The following TUSC3 variants were observed in gnomAD, a reference collection of about 807,000 sequenced individuals.
The protein encoded by TUSC3 is tumor suppressor candidate 3, also known as dolichyl-diphosphooligosaccharide--protein glycosyltransferase subunit TUSC3.
A neutral mutation model predicts 44.8 loss-of-function variants in TUSC3; 45 were observed. The observed-to-expected ratio is 1.00, with a 90% CI of 0.79 to 1.29. The LOEUF (loss-of-function observed/expected upper bound fraction) is 1.29. Among genes scored for constraint, TUSC3 ranks in the 50% most tolerant of loss-of-function variants. The pLI, the probability that TUSC3 is intolerant of heterozygous loss-of-function variation, is 0.00. For missense variants in TUSC3, 519 were observed against 437.9 expected (o/e 1.19, Z -1.65); for synonymous variants, 212 against 152.9 (o/e 1.39, Z -2.85).
the TUSC3 span, among the ~76,000 whole-genome samples, chr8:15,827,147 G>C: frequency 2.0e-5 from 3 of 152,118 alleles, no homozygotes; most frequent in African/African-American, 7.2e-5. Context: ...GAGACTATAA[G>C]TACATCCCTC....
chr8:15,469,530 T>A (rs2129122813), intron 1 of TUSC3, among the ~76,000 whole-genome samples: 1 of 152,336 alleles, frequency 6.6e-6, no homozygotes, highest in East Asian at 1.9e-4. Flanking sequence ...CAACAGAAGT[T>A]CTTTCATTGC....
At chr8:15,495,683 C>G (rs1312290995) in intron 2 of TUSC3, among the ~76,000 whole-genome samples, 5 of 152,142 alleles carry the variant, frequency 3.3e-5, no homozygotes, top group Admixed American at 3.3e-4. Context: ...AGTATACCTG[C>G]CATGATCTTG....
the TUSC3 span, among the ~76,000 whole-genome samples, chr8:15,811,318 A>G: frequency 2.0e-5 from 3 of 152,286 alleles, no homozygotes; most frequent in East Asian, 5.8e-4. Flanking sequence ...AATTGTCCAC[A>G]TCAAGTGTCT....
chr8:15,511,655 A>C (rs1002185603), intron 2 of TUSC3, among the ~76,000 whole-genome samples: 2 of 152,160 alleles, frequency 1.3e-5, no homozygotes, highest in Non-Finnish European at 1.5e-5. Context: ...AGATCACTTG[A>C]GGTCAGGAGT....
intron 1 of TUSC3, among the ~76,000 whole-genome samples, chr8:15,588,120 GT>G (rs1803672819): frequency 6.6e-6 from 1 of 152,046 alleles, no homozygotes; most frequent in South Asian, 2.1e-4. Flanking sequence ...TCTGTTTTTA[GT>G]TTTTTGAGGG....
At chr8:15,830,308 C>T in the TUSC3 span, among the ~76,000 whole-genome samples, 4 of 152,090 alleles carry the variant, frequency 2.6e-5, no homozygotes, top group African/African-American at 7.2e-5. Flanking sequence ...TTTTTCTATG[C>T]TTGTTTTTGC....
At chr8:15,676,156 T>C (rs1045641482) in intron 6 of TUSC3, among the ~76,000 whole-genome samples, 3 of 152,196 alleles carry the variant, frequency 2.0e-5, no homozygotes, top group African/African-American at 4.8e-5. Context: ...CTCATTGTGA[T>C]TTTAATTTGC....
At chr8:15,583,152 T>A (rs1049982492) in intron 1 of TUSC3, among the ~76,000 whole-genome samples, 8 of 152,194 alleles carry the variant, frequency 5.3e-5, no homozygotes, top group African/African-American at 1.9e-4. Flanking sequence ...TAAACAAATC[T>A]AATGCAAACA....
chr8:15,456,634 GA>G (rs1159074185), intron 1 of TUSC3, among the ~76,000 whole-genome samples: 1 of 151,846 alleles, frequency 6.6e-6, no homozygotes, highest in Non-Finnish European at 1.5e-5. Flanking sequence ...CAGAGGTAGG[GA>G]AAAAAGGACT....
At chr8:15,613,760 A>G (rs78932418) in intron 1 of TUSC3, among the ~76,000 whole-genome samples, 30 of 152,274 alleles carry the variant, frequency 2.0e-4, no homozygotes, top group South Asian at 4.1e-4. Context: ...ATTCCATCTT[A>G]TAGATATTTC....
At chr8:15,621,756 T>C (rs1162082171) in intron 1 of TUSC3, among the ~76,000 whole-genome samples, 1 of 148,880 alleles carries the variant, frequency 6.7e-6, no homozygotes, top group East Asian at 1.9e-4. Flanking sequence ...TGATGCCCTT[T>C]GGTTGTGGCA....
chr8:15,635,383 T>A (rs1209885919), intron 2 of TUSC3, among the ~76,000 whole-genome samples: 1 of 152,140 alleles, frequency 6.6e-6, no homozygotes, highest in Non-Finnish European at 1.5e-5. Context: ...CAAATGCATG[T>A]CACAATGCTG....
intron 1 of TUSC3, among the ~76,000 whole-genome samples, chr8:15,427,664 T>G (rs978923809): frequency 7.0e-6 from 1 of 142,950 alleles, no homozygotes; most frequent in Admixed American, 6.9e-5. Flanking sequence ...AAAACTTGCC[T>G]TGGTCTCACC....
chr8:15,682,656 T>C (rs1223218027), intron 6 of TUSC3, among the ~76,000 whole-genome samples: 2 of 152,192 alleles, frequency 1.3e-5, no homozygotes, highest in African/African-American at 2.4e-5. Context: ...AACGTTAATA[T>C]TGATATGTGA....
chr8:15,724,486 ACTT>A (rs963231281), intron 6 of TUSC3, among the ~76,000 whole-genome samples: 13 of 152,106 alleles, frequency 8.5e-5, no homozygotes, highest in Non-Finnish European at 1.9e-4. Flanking sequence ...CAACCCTTTG[ACTT>A]CTTAGAAGTG....
At chr8:15,473,996 C>A (rs755389037) in intron 1 of TUSC3, among the ~76,000 whole-genome samples, 1 of 152,148 alleles carries the variant, frequency 6.6e-6, no homozygotes, top group African/African-American at 2.4e-5. Context: ...ATCTCAACCA[C>A]TTAAGACCGG....
At chr8:15,418,576 T>C (rs1257611000) in intron 1 of TUSC3, among the ~76,000 whole-genome samples, 1 of 152,126 alleles carries the variant, frequency 6.6e-6, no homozygotes, top group Non-Finnish European at 1.5e-5. Flanking sequence ...ACAAAAGTTA[T>C]AAAATCGGCA....
At chr8:15,657,651 G>T (rs1235698759) in intron 3 of TUSC3, among the ~76,000 whole-genome samples, 1 of 152,072 alleles carries the variant, frequency 6.6e-6, no homozygotes, top group Non-Finnish European at 1.5e-5. Flanking sequence ...TCAGTGCTCC[G>T]TTTATGGCAA....
At chr8:15,820,184 C>T in the TUSC3 span, among the ~76,000 whole-genome samples, 1 of 152,004 alleles carries the variant, frequency 6.6e-6, no homozygotes, top group South Asian at 2.1e-4. Flanking sequence ...ATAAATGAAC[C>T]TTGCATTCTT....
Sources: gnomAD v4.1 joint callset for allele counts (sites outside exome capture counted in the v4.1 genomes callset) on GRCh38, gnomAD v4.1.1 for gene constraint, MANE v1.5 for transcripts, NCBI Gene and HGNC (gene_info 2026-07-23, HGNC 2026-07-21) for gene names.